Variants in TIAM2 observed in about 807,000 individuals in gnomAD.
TIAM2 encodes the protein rho guanine nucleotide exchange factor TIAM2.
TIAM2 carries 80 observed loss-of-function variants against 152.9 expected under a neutral mutation model. The observed-to-expected ratio is 0.52, with a 90% confidence interval of 0.44 to 0.63. The LOEUF is 0.63. Among genes scored for constraint, TIAM2 ranks in the 30% least tolerant of loss-of-function variants. TIAM2 has a pLI of 0.00. For missense variants in TIAM2, 1,965 were observed against 2,120.1 expected, an observed-to-expected ratio of 0.93 and a Z score of 1.44; for synonymous variants, 804 against 838.0, an observed-to-expected ratio of 0.96 and a Z score of 0.70.
At chr6:154,998,549 G>A (rs1778260571) in intron 1 of TIAM2, among the ~76,000 whole-genome samples, 1 of 152,136 alleles carries the variant, frequency 6.6e-6, no homozygotes, top group Admixed American at 6.6e-5. Flanking sequence ...AATTTGTGGG[G>A]TGATCTGGTG....
chr6:155,080,207 C>T (rs1189138443), intron 1 of TIAM2, among the ~76,000 whole-genome samples: 2 of 151,700 alleles, frequency 1.3e-5, no homozygotes, highest in African/African-American at 4.8e-5. Flanking sequence ...AAAACCTTAT[C>T]TCTGATGTCC....
chr6:155,078,879 A>G (rs1250213420), intron 1 of TIAM2, among the ~76,000 whole-genome samples: 4 of 152,170 alleles, frequency 2.6e-5, no homozygotes, highest in South Asian at 2.1e-4. Flanking sequence ...TCTCCCTTTA[A>G]GCTGGATCCC....
intron 1 of TIAM2, among the ~76,000 whole-genome samples, chr6:155,066,912 C>T (rs1457635935): frequency 2.0e-5 from 3 of 152,126 alleles, no homozygotes; most frequent in South Asian, 2.1e-4. Flanking sequence ...CCTACCATCA[C>T]GCCTGGCTAA....
chr6:155,046,515 T>C (rs745532094), intron 1 of TIAM2, among the ~76,000 whole-genome samples: 6 of 152,104 alleles, frequency 3.9e-5, no homozygotes, highest in African/African-American at 9.7e-5. Flanking sequence ...TTTGTACTTT[T>C]AGTAGAGACA....
At chr6:155,067,234 T>C (rs1308178604) in intron 1 of TIAM2, among the ~76,000 whole-genome samples, 1 of 152,134 alleles carries the variant, frequency 6.6e-6, no homozygotes, top group South Asian at 2.1e-4. Flanking sequence ...TTTCTTTTCA[T>C]TGGTGGGCTG....
chr6:155,007,678 T>A (rs1258351604), intron 1 of TIAM2, among the ~76,000 whole-genome samples: 2 of 152,202 alleles, frequency 1.3e-5, no homozygotes, highest in Non-Finnish European at 2.9e-5. Flanking sequence ...TCCTGAGGGA[T>A]ACCAACAGGC....
chr6:155,088,052 CTTTTTTTTTT>C (rs113372173), intron 1 of TIAM2, among the ~76,000 whole-genome samples: 2 of 118,998 alleles, frequency 1.7e-5, no homozygotes, highest in Admixed American at 8.5e-5. Context: ...TTCTTTCTTT[CTTTTTTTTTT>C]TTTTTTTTTT....
At chr6:155,085,587 G>A (rs1778156922) in intron 1 of TIAM2, among the ~76,000 whole-genome samples, 1 of 152,036 alleles carries the variant, frequency 6.6e-6, no homozygotes, top group South Asian at 2.1e-4. Flanking sequence ...ACTTTGTGAT[G>A]TAGTTGAAGG....
At chr6:155,085,788 A>T (rs1243586862) in intron 1 of TIAM2, among the ~76,000 whole-genome samples, 1 of 152,264 alleles carries the variant, frequency 6.6e-6, no homozygotes, top group Non-Finnish European at 1.5e-5. Context: ...TTTCATGCTG[A>T]TAAAAGCATG....
At chr6:155,012,087 GA>G (rs1034258677) in intron 1 of TIAM2, among the ~76,000 whole-genome samples, 1 of 151,686 alleles carries the variant, frequency 6.6e-6, no homozygotes, top group African/African-American at 2.4e-5. Context: ...TTTATAGAAA[GA>G]AAAAAAGGAG....
chr6:155,056,086 AT>A (rs1294331050), intron 1 of TIAM2, among the ~76,000 whole-genome samples: 1 of 147,866 alleles, frequency 6.8e-6, no homozygotes, highest in Non-Finnish European at 1.5e-5. Context: ...CTACCTTTTA[AT>A]TTTTTTTAAT....
At chr6:154,998,633 CT>C (rs1778262295) in intron 1 of TIAM2, among the ~76,000 whole-genome samples, 1 of 152,126 alleles carries the variant, frequency 6.6e-6, no homozygotes, top group South Asian at 2.1e-4. Flanking sequence ...AAATTATATA[CT>C]TGTAGATGTC....
chr6:155,153,594 C>T (rs1352894509), intron 7 of TIAM2, among the ~76,000 whole-genome samples: 5 of 149,494 alleles, frequency 3.3e-5, no homozygotes, highest in Non-Finnish European at 7.4e-5. Context: ...CATCCTTTGT[C>T]AGCAGGTTGT....
In TIAM2 at chr6:155,154,426, C is replaced by G. The variant is rs544717579; in HGVS notation, c.2028+6092C>G. ...ACGGTCAGTGGTGACATGCTCTGGC[C>G]GTGTCCTGGGCCTCTTGGGTGTTTC... On this transcript the variant is annotated intron_variant, in intron 7 of 26. Transcript: ENST00000682666. Among the ~76,000 whole-genome samples, 413 of 152,232 alleles carry G rather than the reference C, an allele frequency of 2.7e-3. 1 individual carries two copies. The highest frequency in any genetic ancestry group is 6.8e-3 in the Middle Eastern group (2 of 294).
At chr6:155,086,701 C>T (rs1473239260) in intron 1 of TIAM2, among the ~76,000 whole-genome samples, 5 of 79,244 alleles carry the variant, frequency 6.3e-5, no homozygotes, top group African/African-American at 2.7e-4. Context: ...AGTGAGGCTC[C>T]ATCTTGGAAA....
chr6:155,029,513 C>CTATAGTATATATATACTATAG (rs1202455648), intron 1 of TIAM2, among the ~76,000 whole-genome samples: 1 of 22,056 alleles, frequency 4.5e-5, no homozygotes, highest in African/African-American at 1.6e-4. Context: ...ATAATATATA[C>CTATAGTATATATATACTATAG]TATATATTAT....
intron 14 of TIAM2, 96 bp downstream of exon 14, chr6:155,183,596 G>T: frequency 7.1e-7 from 1 of 1,403,350 alleles, no homozygotes; most frequent in African/African-American, 1.4e-5. Context: ...TATTTAAGCT[G>T]TTCAAAGAAT....
intron 1 of TIAM2, among the ~76,000 whole-genome samples, chr6:155,047,792 CT>C (rs1188775863): frequency 6.6e-6 from 1 of 150,744 alleles, no homozygotes; most frequent in African/African-American, 2.4e-5. Context: ...GCTCCCACTA[CT>C]TTTTCTCTCT....
chr6:155,233,732 G>A (rs538734764), intron 15 of TIAM2, among the ~76,000 whole-genome samples: 2 of 152,172 alleles, frequency 1.3e-5, no homozygotes, highest in Non-Finnish European at 2.9e-5. Flanking sequence ...AGTTTGGTGG[G>A]AGGATCGCTG....
Sources: gnomAD v4.1 joint callset for allele counts (sites outside exome capture counted in the v4.1 genomes callset) on GRCh38, gnomAD v4.1.1 for gene constraint, MANE v1.5 for transcripts, NCBI Gene and HGNC (gene_info 2026-07-23, HGNC 2026-07-21) for gene names.